NLK: variants seen among roughly 807,000 people sequenced by gnomAD.
NLK encodes the protein serine/threonine-protein kinase NLK.
Under a neutral mutation model 59.0 loss-of-function variants are expected in NLK, and 11 were observed. That is an observed-to-expected ratio of 0.19 (90% CI 0.12 to 0.31). NLK has a LOEUF of 0.31. Among genes scored for constraint, NLK ranks in the 10% least tolerant of loss-of-function variants. The pLI is 1.00. For missense variants in NLK, 410 were observed against 661.1 expected (o/e 0.62, Z 4.16); for synonymous variants, 235 against 235.9 (o/e 1.00, Z 0.03).
chr17:28,194,638 G>T lies in NLK; in HGVS notation c.*2G>T. On this transcript the variant is annotated 3_prime_UTR_variant, in exon 11 of 11. Transcript: ENST00000407008. Reference sequence around the variant, plus strand: ...CCATCTCCTCTGGTGTGGGAGTGATGGTGGAAGATAATGTACTACTGAAGA... The same window carrying T: ...CCATCTCCTCTGGTGTGGGAGTGATTGTGGAAGATAATGTACTACTGAAGA... The T allele has an allele frequency of 6.3e-7, 1 of 1,589,314 alleles. No homozygotes were observed. Among genetic ancestry groups the T allele is most frequent in the Non-Finnish European group, 8.6e-7 (1 of 1,160,728 alleles).
intron 1 of NLK, among the ~76,000 whole-genome samples, chr17:28,097,296 C>A (rs1232292629): frequency 6.6e-6 from 1 of 152,120 alleles, no homozygotes; most frequent in Admixed American, 6.5e-5. Context: ...ATGCTTCTAA[C>A]TGTAATTGTT....
At chr17:28,043,466 C>T in intron 1 of NLK, 135 bp downstream of exon 1, 2 of 763,010 alleles carry the variant, frequency 2.6e-6, no homozygotes, top group East Asian at 2.7e-5. Context: ...GGAAGCCACC[C>T]TCACTTATGT....
chr17:28,116,427 C>A, intron 1 of NLK: 1 of 168,784 alleles, frequency 5.9e-6, no homozygotes, highest in South Asian at 1.4e-4. Context: ...GGAGTGCAAC[C>A]AGGTGAAGGG....
At chr17:28,145,265 T>C (rs1333314907) in intron 3 of NLK, among the ~76,000 whole-genome samples, 1 of 152,128 alleles carries the variant, frequency 6.6e-6, no homozygotes, top group African/African-American at 2.4e-5. Flanking sequence ...GGACTATTAA[T>C]CAGTTATAGA....
intron 6 of NLK, among the ~76,000 whole-genome samples, chr17:28,170,492 C>CT (rs1418291976): frequency 1.3e-5 from 2 of 151,556 alleles, no homozygotes; most frequent in African/African-American, 4.9e-5. Context: ...TTTTAACTGT[C>CT]TTTTTTAAAG....
intron 2 of NLK, among the ~76,000 whole-genome samples, chr17:28,126,205 A>T (rs1016235016): frequency 2.0e-5 from 3 of 152,220 alleles, no homozygotes; most frequent in African/African-American, 7.2e-5. Flanking sequence ...AGCTGTGTGC[A>T]TAGCAAAGAG....
chr17:28,161,124 G>A (rs945753257), intron 3 of NLK, 36 bp from the exon 4 acceptor site: 22 of 1,173,358 alleles, frequency 1.9e-5, no homozygotes, highest in Non-Finnish European at 2.7e-5. Context: ...GTAGGGGACT[G>A]AATTCGCCGA....
chr17:28,087,065 AGTT>A (rs1910543177), intron 1 of NLK, among the ~76,000 whole-genome samples: 1 of 151,572 alleles, frequency 6.6e-6, no homozygotes, highest in Non-Finnish European at 1.5e-5. Context: ...AAAAAAAAAA[AGTT>A]GATATTGAGT....
At chr17:28,179,627 G>A (rs1404149268) in intron 7 of NLK, among the ~76,000 whole-genome samples, 3 of 151,978 alleles carry the variant, frequency 2.0e-5, no homozygotes, top group African/African-American at 7.2e-5. Flanking sequence ...CCAGCTACTC[G>A]GGAGGCTGAG....
intron 1 of NLK, among the ~76,000 whole-genome samples, chr17:28,067,383 A>G (rs887823145): frequency 3.3e-5 from 5 of 152,182 alleles, no homozygotes; most frequent in Non-Finnish European, 7.3e-5. Context: ...CAATGCTTGC[A>G]CACAAAGTCA....
At position 28,194,796 on chromosome 17, in the gene NLK, T is replaced by C; in HGVS notation, c.*160T>C. 2.3e-6 allele frequency: 1 copy of C among 429,508 alleles called. No individual in the cohort carries two copies. Among genetic ancestry groups the C allele is most frequent in the Non-Finnish European group, 4.2e-6 (1 of 240,722 alleles). 26.6% of individuals were successfully genotyped at this position (429,508 alleles called of 1,614,324 possible). On this transcript the variant is annotated 3_prime_UTR_variant, in exon 11 of 11. Transcript: ENST00000407008. ...TGATATGAATAATATTTAGAAATGTTACTAGACTTTTAATCTTGTAAAGTG... is the reference window on the plus strand; with the variant it reads ...TGATATGAATAATATTTAGAAATGTCACTAGACTTTTAATCTTGTAAAGTG...
Position 28,042,956 on chromosome 17 carries a change from A to G in NLK, c.83A>G (p.His28Arg). Residue 28 changes from histidine (H) to arginine (R), a missense_variant, in exon 1 of 11, where the codon CAC becomes CGC. His to Arg is a conservative substitution (Grantham distance 29). Transcript: ENST00000407008. Reference sequence around the variant, plus strand: ...ACATCTGCAGCAGCAGCAGGTCACCACCACCACCATCACCACCACCTTCCA... The same window carrying G: ...ACATCTGCAGCAGCAGCAGGTCACCGCCACCACCATCACCACCACCTTCCA... Reference protein sequence around the residue: ...GGTSAAAAGHHHHHHHHLPHL... With the variant: ...GGTSAAAAGHRHHHHHHLPHL... 1.9e-6 allele frequency: 3 copies of G among 1,553,784 alleles called. No individual in the cohort carries two copies. Among genetic ancestry groups the G allele is most frequent in the Non-Finnish European group, 2.6e-6 (3 of 1,148,336 alleles).
intron 3 of NLK, among the ~76,000 whole-genome samples, chr17:28,160,886 T>C (rs1045905508): frequency 1.4e-4 from 21 of 152,310 alleles, no homozygotes; most frequent in African/African-American, 5.1e-4. Context: ...CTGGCTGTTA[T>C]TTAAAATGTT....
In NLK at chr17:28,043,014, C is replaced by G. The variant is rs1304738187; in HGVS notation, c.141C>G (p.His47Gln). 5 of 1,556,312 alleles carry G rather than the reference C, an allele frequency of 3.2e-6. No individual in the cohort carries two copies. The highest frequency in any genetic ancestry group is 1.7e-4 in the Middle Eastern group (1 of 5,994). Residue 47 changes from histidine (H) to glutamine (Q), a missense_variant, in exon 1 of 11, where the codon CAC becomes CAG. Transcript: ENST00000407008. ...CTCCTCCTCACCTGCACCACCACCACCACCCTCAACACCATCTTCATCCGG... is the reference window on the plus strand; with the variant it reads ...CTCCTCCTCACCTGCACCACCACCAGCACCCTCAACACCATCTTCATCCGG... ...HLPPPHLHHHHHPQHHLHPGS... is the reference protein window; with the variant it reads ...HLPPPHLHHHQHPQHHLHPGS...
chr17:28,059,849 A>C (rs1229570189), intron 1 of NLK, among the ~76,000 whole-genome samples: 1 of 152,216 alleles, frequency 6.6e-6, no homozygotes, highest in African/African-American at 2.4e-5. Flanking sequence ...GGAGAAAGAT[A>C]TGCACTAGCA....
At chr17:28,121,174 C>T (rs921834636) in intron 1 of NLK, among the ~76,000 whole-genome samples, 1 of 151,912 alleles carries the variant, frequency 6.6e-6, no homozygotes, top group African/African-American at 2.4e-5. Context: ...GCCTCAGCCT[C>T]CGAAAGTGCT....
chr17:28,169,673 G>A (rs1339090041), intron 6 of NLK, among the ~76,000 whole-genome samples: 1 of 151,428 alleles, frequency 6.6e-6, no homozygotes, highest in Non-Finnish European at 1.5e-5. Flanking sequence ...TTAAATCTTG[G>A]GTAAGTTACT....
intron 1 of NLK, among the ~76,000 whole-genome samples, chr17:28,115,196 AACAG>A (rs1440761829): frequency 1.3e-5 from 2 of 151,876 alleles, no homozygotes; most frequent in African/African-American, 4.9e-5. Context: ...AGAAACAAGA[AACAG>A]ACAGGAAGCC....
At chr17:28,111,232 G>T (rs1660110890) in intron 1 of NLK, among the ~76,000 whole-genome samples, 1 of 151,898 alleles carries the variant, frequency 6.6e-6, no homozygotes, top group African/African-American at 2.4e-5. Flanking sequence ...TATTGCCCAG[G>T]CTGGAGTGCA....
Sources: allele counts gnomAD v4.1 joint callset (sites outside exome capture counted in the v4.1 genomes callset), GRCh38; gene constraint gnomAD v4.1.1; transcripts MANE v1.5; gene names NCBI Gene and HGNC (gene_info 2026-07-23, HGNC 2026-07-21).